The following IQUB variants were observed in gnomAD, a reference collection of about 807,000 sequenced individuals.
IQUB encodes IQ motif and ubiquitin-like domain-containing protein.
A neutral mutation model predicts 86.4 loss-of-function variants in IQUB; 86 were observed. That is an observed-to-expected ratio of 1.00 (90% CI 0.84 to 1.19). The LOEUF is 1.19. Ranked by LOEUF, IQUB falls within the 50% of genes most tolerant of loss-of-function variation. The pLI, the probability that IQUB is intolerant of heterozygous loss-of-function variation, is 0.00. For missense variants in IQUB, 946 were observed against 916.9 expected, an observed-to-expected ratio of 1.03 and a Z score of -0.41; for synonymous variants, 289 against 304.5, an observed-to-expected ratio of 0.95 and a Z score of 0.53.
chr7:123,489,199 G>C (rs1480497797), intron 7 of IQUB, among the ~76,000 whole-genome samples: 1 of 152,122 alleles, frequency 6.6e-6, no homozygotes, highest in Admixed American at 6.5e-5. Context: ...AGTAAGGGTA[G>C]TTGCTATATA....
chr7:123,519,657 G>A (rs1796813999), intron 1 of IQUB, among the ~76,000 whole-genome samples: 1 of 152,156 alleles, frequency 6.6e-6, no homozygotes, highest in Non-Finnish European at 1.5e-5. Flanking sequence ...GGGCAGGAGG[G>A]AGGAAGGATG....
rs188521266 is a variant in IQUB, at chr7:123,504,827, T to C, written c.533-1464A>G. 4.2e-3 allele frequency among the ~76,000 whole-genome samples: 641 copies of C among 152,278 alleles called. 2 individuals carry two copies. The highest frequency in any genetic ancestry group is 5.9e-3 in the Non-Finnish European group (404 of 68,012). On this transcript the variant is annotated intron_variant, in intron 3 of 12. Coordinates refer to ENST00000324698, the MANE Select transcript of IQUB (RefSeq NM_178827.5). Reference sequence around the variant, plus strand: ...CATGTCCTCACATTGCAAAATACAATCATTCCTTCTTAACAGTCCCCCAAG... The same window carrying C: ...CATGTCCTCACATTGCAAAATACAACCATTCCTTCTTAACAGTCCCCCAAG...
At chr7:123,498,638 G>T (rs1314197989) in intron 6 of IQUB, among the ~76,000 whole-genome samples, 4 of 152,128 alleles carry the variant, frequency 2.6e-5, no homozygotes, top group Admixed American at 2.0e-4. Flanking sequence ...TTTAGGGCTC[G>T]TAGGAAAGCT....
rs536813301 is a variant in IQUB, at chr7:123,472,069, C to T, written c.1411-2685G>A. 2.0e-5 allele frequency among the ~76,000 whole-genome samples: 3 copies of T among 151,978 alleles called. No individual in the cohort carries two copies. The South Asian group carries it at 6.2e-4, about 32-fold the overall frequency. Reference sequence around the variant, plus strand: ...CCTGGCCAACACGGTGATAACTCATCTCTACTAAAAACACAAAATTTAGCT... The same window carrying T: ...CCTGGCCAACACGGTGATAACTCATTTCTACTAAAAACACAAAATTTAGCT... On this transcript the variant is annotated intron_variant, in intron 8 of 12. Coordinates refer to ENST00000324698, the MANE Select transcript of IQUB (RefSeq NM_178827.5).
At chr7:123,511,884 GA>G in intron 2 of IQUB, 59 bp downstream of exon 2, 1 of 1,309,732 alleles carries the variant, frequency 7.6e-7, no homozygotes, top group Non-Finnish European at 1.0e-6. Flanking sequence ...AAGCCAACAA[GA>G]AAACGCATTC....
At chr7:123,516,378 G>A (rs1194028557) in intron 1 of IQUB, among the ~76,000 whole-genome samples, 1 of 152,030 alleles carries the variant, frequency 6.6e-6, no homozygotes, top group Non-Finnish European at 1.5e-5. Context: ...CTGTTGTGGG[G>A]GTGAAAATGA....
chr7:123,530,479 A>T (rs184996519), intron 1 of IQUB, among the ~76,000 whole-genome samples: 1 of 151,950 alleles, frequency 6.6e-6, no homozygotes, highest in African/African-American at 2.4e-5. Flanking sequence ...AACAACAACA[A>T]CACCAAAAAA....
At chr7:123,476,713 G>A (rs1284530062) in intron 8 of IQUB, among the ~76,000 whole-genome samples, 3 of 151,288 alleles carry the variant, frequency 2.0e-5, no homozygotes, top group African/African-American at 7.3e-5. Context: ...TACAAGATAA[G>A]GCAAGACCTG....
At chr7:123,511,609 T>A (rs1796416715) in intron 2 of IQUB, among the ~76,000 whole-genome samples, 1 of 152,222 alleles carries the variant, frequency 6.6e-6, no homozygotes, top group South Asian at 2.1e-4. Context: ...CAAATTGGCA[T>A]GTAAAATAAT....
At chr7:123,482,419 C>T (rs1375346038) in intron 7 of IQUB, among the ~76,000 whole-genome samples, 2 of 151,902 alleles carry the variant, frequency 1.3e-5, no homozygotes, top group Non-Finnish European at 1.5e-5. Flanking sequence ...ATAGACATAT[C>T]ATATTGTAAT....
chr7:123,523,921 T>C (rs1451574364), intron 1 of IQUB, among the ~76,000 whole-genome samples: 2 of 152,190 alleles, frequency 1.3e-5, no homozygotes, highest in East Asian at 1.9e-4. Flanking sequence ...TTTCTCCATA[T>C]GGCTAGCCAG....
chr7:123,511,107 CCTT>C (rs1483976790), intron 2 of IQUB, among the ~76,000 whole-genome samples: 3 of 152,132 alleles, frequency 2.0e-5, no homozygotes, highest in Non-Finnish European at 2.9e-5. Context: ...AGTTTTCTCT[CCTT>C]CTTTTCTTTC....
intron 1 of IQUB, among the ~76,000 whole-genome samples, chr7:123,524,312 G>C (rs1197078051): frequency 7.0e-6 from 1 of 142,988 alleles, no homozygotes; most frequent in Non-Finnish European, 1.5e-5. Flanking sequence ...CCATTTTCAC[G>C]ATATTGATTC....
At chr7:123,477,477 C>G (rs543310505) in intron 8 of IQUB, among the ~76,000 whole-genome samples, 1 of 152,298 alleles carries the variant, frequency 6.6e-6, no homozygotes, top group South Asian at 2.1e-4. Flanking sequence ...AGACCTAAAA[C>G]CATAAAAACC....
intron 7 of IQUB, among the ~76,000 whole-genome samples, chr7:123,485,151 CA>C (rs1474456453): frequency 6.6e-6 from 1 of 152,074 alleles, no homozygotes; most frequent in Non-Finnish European, 1.5e-5. Flanking sequence ...GTGGTTTAAA[CA>C]ACAGAACTTT....
chr7:123,490,154 C>T (rs760915802), intron 7 of IQUB, among the ~76,000 whole-genome samples: 1 of 151,748 alleles, frequency 6.6e-6, no homozygotes, highest in African/African-American at 2.4e-5. Flanking sequence ...CTACAAAAAA[C>T]ACATTTTGAA....
intron 7 of IQUB, among the ~76,000 whole-genome samples, chr7:123,492,832 G>C (rs1795531744): frequency 6.6e-6 from 1 of 152,074 alleles, no homozygotes; most frequent in Non-Finnish European, 1.5e-5. Context: ...AGATGTATCT[G>C]CACTCTAGGT....
At chr7:123,527,280 G>A (rs1797274129) in intron 1 of IQUB, among the ~76,000 whole-genome samples, 1 of 152,162 alleles carries the variant, frequency 6.6e-6, no homozygotes, top group East Asian at 1.9e-4. Flanking sequence ...GTAGCTCGGA[G>A]TAATTTGATC....
Position 123,461,460 on chromosome 7 carries a change from G to A in IQUB, c.1904C>T (p.Ala635Val), listed in dbSNP as rs777136312. The A allele has an allele frequency of 1.6e-5, 26 of 1,612,406 alleles. 1 individual carries two copies. The South Asian group carries it at 2.5e-4, about 16-fold the overall frequency. The change falls in exon 11 of 13, where the codon GCT (alanine) becomes GTT (valine). Residue 635 changes from alanine to valine, a missense_variant. Transcript: ENST00000324698. ...CTTCAAAAATGATTCTCGTTTTTGA[G>A]CCTCATTCTGAAGGTTAATGCAGTT... ...CRNCINLQNEAQKRESFLKYK... is the reference protein window; with the variant it reads ...CRNCINLQNEVQKRESFLKYK...
Sources: gnomAD v4.1 joint callset for allele counts (sites outside exome capture counted in the v4.1 genomes callset) on GRCh38, gnomAD v4.1.1 for gene constraint, MANE v1.5 for transcripts, NCBI Gene and HGNC (gene_info 2026-07-23, HGNC 2026-07-21) for gene names.